Variants in PDE4D observed in about 807,000 individuals in gnomAD.
PDE4D encodes the protein 3',5'-cyclic-AMP phosphodiesterase 4D.
A neutral mutation model predicts 87.4 loss-of-function variants in PDE4D; 24 were observed. The ratio of observed to expected loss-of-function variants is 0.27; its 90% CI spans 0.20 to 0.39. The LOEUF (loss-of-function observed/expected upper bound fraction) is 0.39, where lower values mean the gene tolerates loss of function less well. PDE4D is among the 10% of genes least tolerant of loss of function. PDE4D has a pLI of 1.00. For missense variants in PDE4D, 714 were observed against 1,041.0 expected (o/e 0.69, Z 4.32); for synonymous variants, 384 against 383.2 (o/e 1.00, Z -0.02).
intron 2 of PDE4D, among the ~76,000 whole-genome samples, chr5:59,211,280 T>TGAC (rs1370476168): frequency 6.6e-6 from 1 of 152,216 alleles, no homozygotes; most frequent in Admixed American, 6.5e-5. Flanking sequence ...ACAAATTGTG[T>TGAC]GACGGTCTCT....
intron 1 of PDE4D, among the ~76,000 whole-genome samples, chr5:59,544,152 T>G (rs917460115): frequency 6.6e-6 from 1 of 152,176 alleles, no homozygotes; most frequent in Non-Finnish European, 1.5e-5. Flanking sequence ...CTGTCATCAT[T>G]CTGCAGCAAG....
chr5:59,071,216 C>T (rs567843987), intron 5 of PDE4D, among the ~76,000 whole-genome samples: 6 of 152,200 alleles, frequency 3.9e-5, no homozygotes, highest in Admixed American at 6.5e-5. Context: ...CTATACGATA[C>T]GATAATGATC....
chr5:59,655,120 T>C (rs943700469), intron 1 of PDE4D, among the ~76,000 whole-genome samples: 4 of 151,902 alleles, frequency 2.6e-5, no homozygotes, highest in Admixed American at 6.6e-5. Flanking sequence ...ATATTCTATG[T>C]TTTTTTTCAA....
chr5:59,293,254 G>T (rs1768396380), intron 1 of PDE4D, among the ~76,000 whole-genome samples: 1 of 152,108 alleles, frequency 6.6e-6, no homozygotes. Flanking sequence ...GATTCTAGTT[G>T]TGTTAAATCA....
At chr5:60,182,971 T>C (rs551051126) in intron 2 of PDE4D, among the ~76,000 whole-genome samples, 1 of 151,740 alleles carries the variant, frequency 6.6e-6, no homozygotes, top group African/African-American at 2.4e-5. Context: ...TAACCCCCAA[T>C]GTGATGGTTT....
At chr5:59,202,744 T>G (rs1747791255) in intron 2 of PDE4D, among the ~76,000 whole-genome samples, 1 of 152,124 alleles carries the variant, frequency 6.6e-6, no homozygotes, top group South Asian at 2.1e-4. Flanking sequence ...TCTCTTTGCC[T>G]GTTGCCATCC....
At chr5:59,751,364 T>C (rs1760428720) in intron 1 of PDE4D, among the ~76,000 whole-genome samples, 1 of 152,128 alleles carries the variant, frequency 6.6e-6, no homozygotes, top group South Asian at 2.1e-4. Context: ...TTGGGAAAAG[T>C]AGAAGAGCAG....
intron 1 of PDE4D, among the ~76,000 whole-genome samples, chr5:59,815,648 C>T (rs1768893930): frequency 6.6e-6 from 1 of 152,206 alleles, no homozygotes; most frequent in South Asian, 2.1e-4. Context: ...GTTCCTGGTA[C>T]AACTATCAGA....
chr5:59,373,534 TAA>T (rs1784267869), intron 1 of PDE4D, among the ~76,000 whole-genome samples: 1 of 151,964 alleles, frequency 6.6e-6, no homozygotes, highest in African/African-American at 2.4e-5. Context: ...TGAGATTATG[TAA>T]AGAGACTGAA....
chr5:59,577,642 A>C (rs1823394628), intron 1 of PDE4D, among the ~76,000 whole-genome samples: 1 of 152,186 alleles, frequency 6.6e-6, no homozygotes, highest in East Asian at 1.9e-4. Context: ...TCTTATTTAG[A>C]GTTTTAGAGC....
chr5:59,326,995 A>C (rs938796828), intron 1 of PDE4D, among the ~76,000 whole-genome samples: 25 of 152,064 alleles, frequency 1.6e-4, no homozygotes, highest in African/African-American at 6.0e-4. Context: ...CTGTGAGAGG[A>C]GGTAATTTTA....
intron 2 of PDE4D, among the ~76,000 whole-genome samples, chr5:60,104,216 C>A (rs1313919293): frequency 6.6e-6 from 1 of 152,272 alleles, no homozygotes; most frequent in Non-Finnish European, 1.5e-5. Context: ...ACATCCCACA[C>A]ATGGCTTGGA....
At chr5:59,018,941 CTTT>C (rs34235697) in intron 6 of PDE4D, among the ~76,000 whole-genome samples, 7 of 138,816 alleles carry the variant, frequency 5.0e-5, no homozygotes, top group Admixed American at 7.2e-5. Flanking sequence ...CCTGCCCCCT[CTTT>C]TTTTTTTTTT....
intron 1 of PDE4D, among the ~76,000 whole-genome samples, chr5:60,286,968 T>A (rs1276522668): frequency 1.3e-5 from 2 of 152,226 alleles, no homozygotes; most frequent in Non-Finnish European, 2.9e-5. Flanking sequence ...AGGTATGGCT[T>A]CAACACAGTA....
intron 1 of PDE4D, among the ~76,000 whole-genome samples, chr5:59,269,624 T>G (rs538548885): frequency 3.6e-4 from 55 of 152,220 alleles, no homozygotes; most frequent in Admixed American, 3.3e-3. Flanking sequence ...ACAATATTCC[T>G]TGGAATCCTA....
chr5:59,469,930 G>T (rs905233167), intron 1 of PDE4D, among the ~76,000 whole-genome samples: 7 of 152,036 alleles, frequency 4.6e-5, no homozygotes, highest in Non-Finnish European at 8.8e-5. Context: ...AGCACAAAAA[G>T]GCATTGTGCT....
intron 1 of PDE4D, among the ~76,000 whole-genome samples, chr5:60,475,960 C>A (rs1485191014): frequency 6.9e-6 from 1 of 143,902 alleles, no homozygotes; most frequent in Non-Finnish European, 1.5e-5. Context: ...ATAACTAAAT[C>A]TGATTACATA....
chr5:60,094,146 T>C (rs1430723334), intron 2 of PDE4D, among the ~76,000 whole-genome samples: 1 of 152,194 alleles, frequency 6.6e-6, no homozygotes, highest in East Asian at 1.9e-4. Context: ...ATACTAACTA[T>C]ATGATTTTAG....
At chr5:59,354,415 A>C (rs922045394) in intron 1 of PDE4D, among the ~76,000 whole-genome samples, 1 of 152,192 alleles carries the variant, frequency 6.6e-6, no homozygotes, top group Non-Finnish European at 1.5e-5. Context: ...AACACCTTTA[A>C]TTCCAAGAAT....
Sources: gnomAD v4.1 joint callset for allele counts (sites outside exome capture counted in the v4.1 genomes callset) on GRCh38, gnomAD v4.1.1 for gene constraint, MANE v1.5 for transcripts, NCBI Gene and HGNC (gene_info 2026-07-23, HGNC 2026-07-21) for gene names.